Variants in EXOC2 observed in about 807,000 individuals in gnomAD.
EXOC2 encodes SEC5-like 1.
A neutral mutation model predicts 131.8 loss-of-function variants in EXOC2; 70 were observed. That is an observed-to-expected ratio of 0.53 (90% CI 0.44 to 0.65). The LOEUF (loss-of-function observed/expected upper bound fraction) is 0.65. EXOC2 is among the 30% of genes least tolerant of loss of function. EXOC2 has a pLI of 0.00. For synonymous variants in EXOC2, 411 were observed against 398.4 expected (o/e 1.03, Z -0.38); for missense variants, 923 against 1,108.6 (o/e 0.83, Z 2.38).
At chr6:677,973 G>T (rs115139736) in intron 1 of EXOC2, among the ~76,000 whole-genome samples, 14 of 143,568 alleles carry the variant, frequency 9.8e-5, no homozygotes, top group African/African-American at 3.4e-4. Context: ...CACTCTTCAC[G>T]TTGTCACTCA....
At chr6:541,651 T>A (rs1248586150) in intron 22 of EXOC2, among the ~76,000 whole-genome samples, 1 of 152,184 alleles carries the variant, frequency 6.6e-6, no homozygotes, top group Non-Finnish European at 1.5e-5. Context: ...ATAAAACTGT[T>A]ATAAAACAAT....
chr6:496,830 C>T (rs891617772), intron 25 of EXOC2, among the ~76,000 whole-genome samples: 13 of 152,338 alleles, frequency 8.5e-5, no homozygotes, highest in Non-Finnish European at 1.5e-4. Context: ...TTGAAACTCA[C>T]TGCCACGCTG....
chr6:515,484 G>C (rs961263374), intron 23 of EXOC2, among the ~76,000 whole-genome samples: 5 of 152,234 alleles, frequency 3.3e-5, no homozygotes, highest in African/African-American at 1.2e-4. Context: ...CCCAGGGACT[G>C]ATACCCTGAC....
intron 13 of EXOC2, among the ~76,000 whole-genome samples, chr6:568,620 C>T (rs895996755): frequency 2.6e-5 from 4 of 152,272 alleles, no homozygotes; most frequent in Non-Finnish European, 5.9e-5. Flanking sequence ...ACGCTTGCTT[C>T]ACCTGCTATG....
At chr6:498,427 A>G (rs1763860258) in intron 24 of EXOC2, among the ~76,000 whole-genome samples, 1 of 152,238 alleles carries the variant, frequency 6.6e-6, no homozygotes, top group African/African-American at 2.4e-5. Context: ...CAAATTCTAT[A>G]GGATGCTACC....
At chr6:578,413 T>C (rs938276962) in intron 11 of EXOC2, among the ~76,000 whole-genome samples, 1 of 151,900 alleles carries the variant, frequency 6.6e-6, no homozygotes, top group African/African-American at 2.4e-5. Context: ...AGGCAGAAAA[T>C]AAACCAATAG....
intron 1 of EXOC2, among the ~76,000 whole-genome samples, chr6:680,590 G>C (rs1206189761): frequency 1.3e-5 from 2 of 152,170 alleles, no homozygotes; most frequent in African/African-American, 4.8e-5. Context: ...GAGCCCTGCA[G>C]GGCAGCTGCT....
intron 13 of EXOC2, among the ~76,000 whole-genome samples, chr6:567,550 G>A (rs375752109): frequency 6.6e-6 from 1 of 152,116 alleles, no homozygotes; most frequent in Admixed American, 6.5e-5. Context: ...TATTTATATT[G>A]TAGATATGTA....
At chr6:574,225 G>C (rs1184228795) in intron 12 of EXOC2, among the ~76,000 whole-genome samples, 1 of 152,212 alleles carries the variant, frequency 6.6e-6, no homozygotes, top group Non-Finnish European at 1.5e-5. Context: ...TCAAGTGAAA[G>C]CATAGAAAAC....
intron 5 of EXOC2, 96 bp from the exon 6 acceptor site, chr6:617,931 G>A (rs1266952318): frequency 1.1e-5 from 15 of 1,382,746 alleles, no homozygotes; most frequent in Middle Eastern, 1.8e-4. Flanking sequence ...TGCTAAAACC[G>A]ATGCTAAGTA....
At chr6:645,353 G>C (rs1284345779) in intron 1 of EXOC2, among the ~76,000 whole-genome samples, 2 of 151,982 alleles carry the variant, frequency 1.3e-5, no homozygotes, top group African/African-American at 2.4e-5. Context: ...TAACATAGGA[G>C]ATTATCTCCA....
At chr6:561,824 C>T (rs549482187) in intron 17 of EXOC2, among the ~76,000 whole-genome samples, 6 of 152,258 alleles carry the variant, frequency 3.9e-5, no homozygotes, top group African/African-American at 1.2e-4. Context: ...CCTCATGATC[C>T]GCCCACCTCG....
intron 1 of EXOC2, among the ~76,000 whole-genome samples, chr6:647,628 C>A (rs759395798): frequency 8.0e-6 from 1 of 124,262 alleles, no homozygotes; most frequent in African/African-American, 3.0e-5. Context: ...ATTCTAATAA[C>A]CTTCATTGTG....
At chr6:631,021 T>G (rs1761818242) in intron 3 of EXOC2, among the ~76,000 whole-genome samples, 2 of 152,240 alleles carry the variant, frequency 1.3e-5, no homozygotes, top group Admixed American at 6.5e-5. Context: ...TCCAAGGCCC[T>G]GGGCTGCAAC....
chr6:591,772 A>G (rs940547240), intron 11 of EXOC2, among the ~76,000 whole-genome samples: 1 of 152,148 alleles, frequency 6.6e-6, no homozygotes, highest in African/African-American at 2.4e-5. Flanking sequence ...AATATACTCA[A>G]TATTCTCCAA....
intron 12 of EXOC2, among the ~76,000 whole-genome samples, chr6:576,055 T>C (rs1758559972): frequency 6.6e-6 from 1 of 152,220 alleles, no homozygotes; most frequent in Non-Finnish European, 1.5e-5. Context: ...ACTGCAATGC[T>C]TGTTAAGAAT....
chr6:546,110 TTTAATTTTTA>T (rs1213010716), intron 22 of EXOC2, among the ~76,000 whole-genome samples: 1 of 152,124 alleles, frequency 6.6e-6, no homozygotes, highest in African/African-American at 2.4e-5. Context: ...TATAGATTAT[TTTAATTTTTA>T]TTTTTTTTTA....
intron 1 of EXOC2, among the ~76,000 whole-genome samples, chr6:678,776 C>G (rs1473515364): frequency 1.3e-5 from 2 of 152,164 alleles, no homozygotes; most frequent in African/African-American, 2.4e-5. Context: ...ATTCCAAACA[C>G]TGATGATGGG....
intron 1 of EXOC2, among the ~76,000 whole-genome samples, chr6:677,043 GC>G (rs1250139197): frequency 1.7e-5 from 1 of 57,826 alleles, no homozygotes; most frequent in Non-Finnish European, 4.1e-5. Flanking sequence ...GGAAAGGACA[GC>G]TTTCTCTGGA....
Sources: allele counts gnomAD v4.1 joint callset (sites outside exome capture counted in the v4.1 genomes callset), GRCh38; gene constraint gnomAD v4.1.1; transcripts MANE v1.5; gene names NCBI Gene and HGNC (gene_info 2026-07-23, HGNC 2026-07-21).